R3HDM2: variants seen among roughly 807,000 people sequenced by gnomAD.
R3HDM2 encodes the protein R3H domain-containing protein 2.
Under a neutral mutation model 124.5 loss-of-function variants are expected in R3HDM2, and 38 were observed. That is an observed-to-expected ratio of 0.31 (90% CI 0.24 to 0.40). The LOEUF (loss-of-function observed/expected upper bound fraction) is 0.40. Among genes scored for constraint, R3HDM2 ranks in the 10% least tolerant of loss-of-function variants. The probability of loss-of-function intolerance (pLI) is 1.00; values close to 1 mark genes in which losing one functional copy is unlikely to be tolerated. For synonymous variants in R3HDM2, 391 were observed against 448.0 expected (o/e 0.87, Z 1.61); for missense variants, 869 against 1,236.9 (o/e 0.70, Z 4.46).
chr12:57,342,048 C>G (rs1213122904), intron 2 of R3HDM2, among the ~76,000 whole-genome samples: 1 of 152,094 alleles, frequency 6.6e-6, no homozygotes, highest in Non-Finnish European at 1.5e-5. Context: ...CTCTAATTTC[C>G]CTAGTGTGTA....
intron 2 of R3HDM2, among the ~76,000 whole-genome samples, chr12:57,358,911 G>A (rs1486181808): frequency 6.7e-6 from 1 of 150,002 alleles, no homozygotes; most frequent in Non-Finnish European, 1.5e-5. Context: ...CACCATGCCT[G>A]GCTAAATTTT....
intron 1 of R3HDM2, among the ~76,000 whole-genome samples, chr12:57,407,082 C>G (rs1332885709): frequency 1.3e-5 from 2 of 151,892 alleles, no homozygotes. Flanking sequence ...AACCCCATCT[C>G]TACTAAAAAC....
intron 2 of R3HDM2, among the ~76,000 whole-genome samples, chr12:57,344,834 T>G (rs1053483372): frequency 4.1e-5 from 6 of 148,136 alleles, no homozygotes; most frequent in Middle Eastern, 7.0e-3. Context: ...TTGTTTTTTG[T>G]TTTTTTTTTG....
At chr12:57,395,063 AG>A in intron 2 of R3HDM2, among the ~76,000 whole-genome samples, 2 of 151,770 alleles carry the variant, frequency 1.3e-5, no homozygotes, top group Non-Finnish European at 2.9e-5. Flanking sequence ...AAAAAAAATT[AG>A]CTGGGCATGG....
intron 2 of R3HDM2, among the ~76,000 whole-genome samples, chr12:57,348,224 G>T (rs955908685): frequency 6.6e-6 from 1 of 152,174 alleles, no homozygotes; most frequent in Admixed American, 6.5e-5. Context: ...AGGAGTTCAA[G>T]ATCAGCCTGG....
intron 2 of R3HDM2, among the ~76,000 whole-genome samples, chr12:57,374,508 C>G (rs1381024641): frequency 2.7e-5 from 4 of 150,154 alleles, no homozygotes; most frequent in Non-Finnish European, 4.4e-5. Flanking sequence ...ATGGTAAAAC[C>G]CTGTCTCTAC....
At chr12:57,402,938 TGGG>T (rs1276232052) in intron 1 of R3HDM2, among the ~76,000 whole-genome samples, 1 of 152,098 alleles carries the variant, frequency 6.6e-6, no homozygotes, top group Non-Finnish European at 1.5e-5. Context: ...TTTTGTAAAA[TGGG>T]GGAAAATATA....
intron 2 of R3HDM2, among the ~76,000 whole-genome samples, chr12:57,365,797 G>A (rs1234039924): frequency 3.3e-5 from 5 of 151,946 alleles, no homozygotes; most frequent in African/African-American, 4.8e-5. Flanking sequence ...TTAGCTGGGC[G>A]TGGTGGTAGG....
chr12:57,324,253 G>C (rs1020957315), intron 2 of R3HDM2, among the ~76,000 whole-genome samples: 1 of 151,994 alleles, frequency 6.6e-6, no homozygotes, highest in Non-Finnish European at 1.5e-5. Context: ...GCGTGATCTC[G>C]GCTCACTGCA....
At chr12:57,305,199 T>A (rs2052294653) in intron 3 of R3HDM2, among the ~76,000 whole-genome samples, 1 of 152,014 alleles carries the variant, frequency 6.6e-6, no homozygotes, top group African/African-American at 2.4e-5. Flanking sequence ...AAAATAAAAA[T>A]AAAAATAAAC....
At chr12:57,391,236 T>C (rs2066637516) in intron 2 of R3HDM2, among the ~76,000 whole-genome samples, 1 of 152,170 alleles carries the variant, frequency 6.6e-6, no homozygotes, top group Non-Finnish European at 1.5e-5. Flanking sequence ...AGCTACACCA[T>C]GGAACGCTAC....
At chr12:57,270,441 T>C (rs2043349481) in intron 14 of R3HDM2, among the ~76,000 whole-genome samples, 1 of 151,782 alleles carries the variant, frequency 6.6e-6, no homozygotes, top group Admixed American at 6.6e-5. Context: ...TTTTTTGTTT[T>C]TTTTGAGATG....
At chr12:57,321,952 A>G (rs2056519107) in intron 2 of R3HDM2, among the ~76,000 whole-genome samples, 1 of 152,192 alleles carries the variant, frequency 6.6e-6, no homozygotes. Flanking sequence ...TAACTAGGCC[A>G]GGCGTGGTGA....
At chr12:57,320,526 C>T (rs942665282) in intron 2 of R3HDM2, among the ~76,000 whole-genome samples, 3 of 151,944 alleles carry the variant, frequency 2.0e-5, no homozygotes, top group Non-Finnish European at 4.4e-5. Context: ...TTTCATCCAG[C>T]CAAATAGTAC....
intron 2 of R3HDM2, among the ~76,000 whole-genome samples, chr12:57,338,225 C>T (rs1359895968): frequency 6.6e-6 from 1 of 152,182 alleles, no homozygotes; most frequent in Admixed American, 6.5e-5. Context: ...ATTGCTTGAA[C>T]CCGGGAGGCA....
intron 1 of R3HDM2, among the ~76,000 whole-genome samples, chr12:57,396,166 G>A (rs1239367744): frequency 3.3e-5 from 5 of 152,092 alleles, no homozygotes; most frequent in South Asian, 4.2e-4. Context: ...TAGGCCGGGC[G>A]CGGTGGCTCA....
At chr12:57,316,036 G>A (rs1461683327) in intron 2 of R3HDM2, among the ~76,000 whole-genome samples, 1 of 152,182 alleles carries the variant, frequency 6.6e-6, no homozygotes, top group Non-Finnish European at 1.5e-5. Context: ...GGCAGAGGTT[G>A]CAGTGAGCTG....
At chr12:57,330,722 G>A (rs1367690736) in intron 2 of R3HDM2, among the ~76,000 whole-genome samples, 56 of 125,576 alleles carry the variant, frequency 4.5e-4, no homozygotes, top group East Asian at 1.4e-3. Context: ...TTTTTGAGAC[G>A]GAGTCTCGTT....
At chr12:57,421,862 C>T (rs1039045102) in intron 1 of R3HDM2, among the ~76,000 whole-genome samples, 48 of 152,014 alleles carry the variant, frequency 3.2e-4, no homozygotes, top group Admixed American at 9.8e-4. Flanking sequence ...TCTGGGAGGC[C>T]AAGGGGGGCG....
Sources: allele counts gnomAD v4.1 joint callset (sites outside exome capture counted in the v4.1 genomes callset), GRCh38; gene constraint gnomAD v4.1.1; transcripts MANE v1.5; gene names NCBI Gene and HGNC (gene_info 2026-07-23, HGNC 2026-07-21).